CEP162: variants seen among roughly 807,000 people sequenced by gnomAD.
CEP162 encodes the protein centrosomal protein 162, also known as centrosomal protein of 162 kDa.
A neutral mutation model predicts 169.2 loss-of-function variants in CEP162; 141 were observed. The ratio of observed to expected loss-of-function variants is 0.83; its 90% CI spans 0.73 to 0.96. CEP162 has a LOEUF of 0.96. Ranked by LOEUF, CEP162 falls within the 40% of genes least tolerant of loss-of-function variation. The pLI, the probability that CEP162 is intolerant of heterozygous loss-of-function variation, is 0.00. For missense variants in CEP162, 1,600 were observed against 1,587.2 expected (o/e 1.01, Z -0.14); for synonymous variants, 540 against 526.4 (o/e 1.03, Z -0.35).
intron 25 of CEP162, among the ~76,000 whole-genome samples, chr6:84,141,771 A>G (rs1398398346): frequency 1.3e-5 from 2 of 152,106 alleles, no homozygotes; most frequent in Non-Finnish European, 2.9e-5. Flanking sequence ...TGCTGTACCT[A>G]CACTCCACCT....
Position 84,185,268 on chromosome 6 carries a change from G to C in CEP162, c.1582C>G (p.Leu528Val). ...ATGTCCTCTGAAGTTTTCTTTTCAA[G>C]AGTAGAAAACATCTTGAGTGGTGAA... ...PSSPLKMFST[L>V]EKKTSEDIIK... The change falls in exon 13 of 27, where the codon CTT becomes GTT. Residue 528 changes from leucine to valine, a missense_variant. By Grantham distance (32) the Leu-to-Val change is conservative. Coordinates refer to ENST00000403245, the MANE Select transcript of CEP162 (RefSeq NM_014895.4). 1 of 1,613,618 alleles carries C rather than the reference G, an allele frequency of 6.2e-7. No homozygotes were observed. The highest frequency in any genetic ancestry group is 8.5e-7 in the Non-Finnish European group (1 of 1,179,616).
chr6:84,215,481 A>G lies in CEP162; in HGVS notation c.320-16T>C, dbSNP rs140050908. On this transcript the variant is annotated splice_polypyrimidine_tract_variant and intron_variant, in intron 4 of 26. Transcript: ENST00000403245. Reference sequence around the variant, plus strand: ...ACTACTAGTTCTAAATGGAAAGCACAAATATATTTTAGTAATATACAGAAT... The same window carrying G: ...ACTACTAGTTCTAAATGGAAAGCACGAATATATTTTAGTAATATACAGAAT... 3.5e-3 allele frequency: 5,293 copies of G among 1,531,882 alleles called. 23 individuals carry two copies. Among genetic ancestry groups the G allele is most frequent in the Non-Finnish European group, 4.2e-3 (4,797 of 1,139,568 alleles). The allele number at this position is 1,531,882 out of a possible 1,614,324, so 94.9% of individuals were successfully genotyped here. A position where few individuals can be genotyped will look rare whatever the true frequency, so the allele number is the denominator to read the frequency against.
chr6:84,181,603 G>C (rs1423845208), intron 13 of CEP162, among the ~76,000 whole-genome samples: 1 of 152,030 alleles, frequency 6.6e-6, no homozygotes, highest in Non-Finnish European at 1.5e-5. Flanking sequence ...GCAGTATTTG[G>C]AACCCACGAA....
intron 17 of CEP162, among the ~76,000 whole-genome samples, chr6:84,169,919 C>T (rs1200296759): frequency 2.0e-5 from 3 of 152,150 alleles, no homozygotes; most frequent in African/African-American, 7.2e-5. Context: ...TTGGATTCCA[C>T]ATAAGATCAT....
chr6:84,140,483 G>A (rs2099516111), intron 25 of CEP162, among the ~76,000 whole-genome samples: 1 of 152,094 alleles, frequency 6.6e-6, no homozygotes, highest in Non-Finnish European at 1.5e-5. Context: ...CTTTTTTGAG[G>A]AAGCCTCCGG....
intron 11 of CEP162, among the ~76,000 whole-genome samples, chr6:84,191,739 G>C (rs980867488): frequency 2.0e-4 from 31 of 152,134 alleles, no homozygotes; most frequent in African/African-American, 6.5e-4. Flanking sequence ...AAGGGGATAA[G>C]TTGGTCTGTG....
At chr6:84,199,680 T>A (rs1235369134) in intron 9 of CEP162, among the ~76,000 whole-genome samples, 1 of 152,098 alleles carries the variant, frequency 6.6e-6, no homozygotes, top group African/African-American at 2.4e-5. Flanking sequence ...CCAGTATCCA[T>A]AGACTGCAAA....
At chr6:84,149,219 A>G (rs1213980237) in intron 24 of CEP162, among the ~76,000 whole-genome samples, 1 of 152,140 alleles carries the variant, frequency 6.6e-6, no homozygotes, top group African/African-American at 2.4e-5. Flanking sequence ...TCAACATCCA[A>G]GTTCAAGTAC....
At chr6:84,179,011 T>C (rs1043603584) in intron 13 of CEP162, among the ~76,000 whole-genome samples, 1 of 152,204 alleles carries the variant, frequency 6.6e-6, no homozygotes, top group Non-Finnish European at 1.5e-5. Context: ...TATGGCTGCA[T>C]AGTATTCCAT....
chr6:84,140,712 A>C (rs2099516221), intron 25 of CEP162, among the ~76,000 whole-genome samples: 1 of 151,892 alleles, frequency 6.6e-6, no homozygotes, highest in Non-Finnish European at 1.5e-5. Flanking sequence ...TTTTATAGAG[A>C]TGATGTCTCG....
chr6:84,222,816 ACT>A (rs767624776), intron 2 of CEP162, among the ~76,000 whole-genome samples: 8 of 152,190 alleles, frequency 5.3e-5, no homozygotes, highest in Non-Finnish European at 1.0e-4. Flanking sequence ...CAAACAAAAA[ACT>A]CTACCTCAGT....
chr6:84,174,724 T>C lies in CEP162; in HGVS notation c.2025+3A>G, dbSNP rs1225573738. The C allele has an allele frequency of 1.5e-6, 2 of 1,347,756 alleles. No individual in the cohort carries two copies. Among genetic ancestry groups the C allele is most frequent in the South Asian group, 1.3e-5 (1 of 79,020 alleles). The allele number at this position is 1,347,756 out of a possible 1,614,324, so 83.5% of individuals were successfully genotyped here. On this transcript the variant is annotated splice_donor_region_variant and intron_variant, in intron 15 of 26. Coordinates refer to ENST00000403245, the MANE Select transcript of CEP162 (RefSeq NM_014895.4). ...AAAAATACCAGAACAATGTATCTAG[T>C]ACCTTGGCTTGAAGAATATAATTAT...
chr6:84,157,859 C>T (rs1400243659), intron 21 of CEP162, among the ~76,000 whole-genome samples: 2 of 152,140 alleles, frequency 1.3e-5, no homozygotes, highest in Non-Finnish European at 2.9e-5. Context: ...AAGCACCTGA[C>T]TCTGCCGGAA....
In CEP162 at chr6:84,139,871, G is replaced by GA. The variant is rs1588710057; in HGVS notation, c.3870+6815dup. Among the ~76,000 whole-genome samples, 7 of 150,496 alleles carry GA rather than the reference G, an allele frequency of 4.7e-5. 1 individual carries two copies. Reference sequence around the variant, plus strand: ...TTTGCATCATTTGTTGTGAGAAGGAGAATCACAGGACAGAACACAGACATA... The same window carrying GA: ...TTTGCATCATTTGTTGTGAGAAGGAGAAATCACAGGACAGAACACAGACATA... On this transcript the variant is annotated intron_variant, in intron 25 of 26. Coordinates refer to ENST00000403245, the MANE Select transcript of CEP162 (RefSeq NM_014895.4).
At chr6:84,163,900 C>A (rs904269732) in intron 18 of CEP162, among the ~76,000 whole-genome samples, 1 of 151,544 alleles carries the variant, frequency 6.6e-6, no homozygotes, top group African/African-American at 2.4e-5. Context: ...AAGAAACTAT[C>A]GTCAGAGTGA....
chr6:84,169,421 G>C lies in CEP162; in HGVS notation c.2292C>G (p.His764Gln). The change falls in exon 18 of 27, where the codon CAC becomes CAG. Residue 764 changes from histidine to glutamine, a missense_variant. Physicochemically the swap from His to Gln is conservative, Grantham distance 24. Coordinates refer to ENST00000403245, the MANE Select transcript of CEP162 (RefSeq NM_014895.4). Reference protein sequence around the residue: ...SEVASLKEQMHKSRFLSQVVE... With the variant: ...SEVASLKEQMQKSRFLSQVVE... ...CTACTTGAGACAGAAAACGACTTTTGTGCATCTGTTCTCTAATTTATTTTG... is the reference window on the plus strand; with the variant it reads ...CTACTTGAGACAGAAAACGACTTTTCTGCATCTGTTCTCTAATTTATTTTG... 1 of 1,564,714 alleles carries C rather than the reference G, an allele frequency of 6.4e-7. No individual in the cohort carries two copies. Among genetic ancestry groups the C allele is most frequent in the Non-Finnish European group, 8.7e-7 (1 of 1,152,836 alleles).
intron 21 of CEP162, among the ~76,000 whole-genome samples, chr6:84,159,523 T>TTTTATATATATATATATATATA (rs1244967462): frequency 5.4e-5 from 2 of 37,136 alleles, no homozygotes; most frequent in African/African-American, 2.2e-4. Context: ...AATTAATTAT[T>TTTTATATATATATATATATATA]TATATATATA....
intron 6 of CEP162, among the ~76,000 whole-genome samples, chr6:84,205,302 G>T (rs2099546398): frequency 6.6e-6 from 1 of 152,186 alleles, no homozygotes; most frequent in Non-Finnish European, 1.5e-5. Context: ...CAATATCCCT[G>T]ATGAACATGG....
chr6:84,218,163 G>C (rs1317655116), intron 3 of CEP162, among the ~76,000 whole-genome samples: 1 of 152,220 alleles, frequency 6.6e-6, no homozygotes, highest in Non-Finnish European at 1.5e-5. Context: ...TTTCTGCTAA[G>C]ATGTGAAGAA....
Sources: allele counts gnomAD v4.1 joint callset (sites outside exome capture counted in the v4.1 genomes callset), GRCh38; gene constraint gnomAD v4.1.1; transcripts MANE v1.5; gene names NCBI Gene and HGNC (gene_info 2026-07-23, HGNC 2026-07-21).